Variants in SH3RF3 observed in about 807,000 individuals in gnomAD.
SH3RF3 encodes SH3 domain containing ring finger 3, also known as E3 ubiquitin-protein ligase SH3RF3.
A neutral mutation model predicts 66.3 loss-of-function variants in SH3RF3; 29 were observed. The ratio of observed to expected loss-of-function variants is 0.44; its 90% CI spans 0.33 to 0.60. SH3RF3 has a LOEUF of 0.60. Ranked by LOEUF, SH3RF3 falls within the 20% of genes least tolerant of loss-of-function variation. The pLI, the probability that SH3RF3 is intolerant of heterozygous loss-of-function variation, is 0.04. For missense variants in SH3RF3, 1,194 were observed against 1,190.9 expected (o/e 1.00, Z -0.04); for synonymous variants, 583 against 532.0 (o/e 1.10, Z -1.32).
At chr2:109,422,077 T>C (rs1676897147) in intron 5 of SH3RF3, among the ~76,000 whole-genome samples, 1 of 152,192 alleles carries the variant, frequency 6.6e-6, no homozygotes, top group Non-Finnish European at 1.5e-5. Context: ...ACCCTACCAG[T>C]GGCAAGTACC....
At chr2:109,417,456 C>G (rs551287013) in intron 4 of SH3RF3, among the ~76,000 whole-genome samples, 1 of 152,160 alleles carries the variant, frequency 6.6e-6, no homozygotes, top group Admixed American at 6.5e-5. Context: ...GGAAGGAATG[C>G]CCCCTTCCAG....
intron 1 of SH3RF3, among the ~76,000 whole-genome samples, chr2:109,217,669 C>T (rs984004373): frequency 1.3e-5 from 2 of 152,250 alleles, no homozygotes; most frequent in African/African-American, 4.8e-5. Context: ...GAAGCTCTCT[C>T]ACCGGCTAGA....
intron 1 of SH3RF3, among the ~76,000 whole-genome samples, chr2:109,237,544 T>C (rs902194557): frequency 6.6e-6 from 1 of 152,168 alleles, no homozygotes; most frequent in Non-Finnish European, 1.5e-5. Context: ...GGAATGGCTT[T>C]GAATGTGACC....
At chr2:109,194,395 G>A (rs553838936) in intron 1 of SH3RF3, among the ~76,000 whole-genome samples, 1 of 152,320 alleles carries the variant, frequency 6.6e-6, no homozygotes, top group South Asian at 2.1e-4. Flanking sequence ...CAGTGGGCTG[G>A]GCCTCAACCC....
intron 1 of SH3RF3, among the ~76,000 whole-genome samples, chr2:109,133,091 G>T (rs1279496399): frequency 6.6e-6 from 1 of 152,216 alleles, no homozygotes; most frequent in Non-Finnish European, 1.5e-5. Context: ...GACAGTAGAG[G>T]TAGTGAGTGG....
chr2:109,199,372 A>G (rs1184188383), intron 1 of SH3RF3, among the ~76,000 whole-genome samples: 3 of 77,914 alleles, frequency 3.9e-5, no homozygotes, highest in Admixed American at 1.1e-4. Flanking sequence ...ATGGAATGGA[A>G]TGGAATGGAA....
chr2:109,166,459 G>GAAAAAA (rs386390872), intron 1 of SH3RF3, among the ~76,000 whole-genome samples: 2 of 134,310 alleles, frequency 1.5e-5, no homozygotes, highest in Non-Finnish European at 1.6e-5. Flanking sequence ...CCTGGTGACA[G>GAAAAAA]AAAAAAAAAA....
chr2:109,315,677 G>A (rs112075660), intron 1 of SH3RF3, among the ~76,000 whole-genome samples: 2,753 of 152,324 alleles, frequency 0.018, 95 homozygotes, highest in African/African-American at 0.063. Flanking sequence ...ATAAAGGGGC[G>A]AGCTCTGTCT....
chr2:109,253,735 C>T (rs796370075), intron 1 of SH3RF3, among the ~76,000 whole-genome samples: 13 of 152,190 alleles, frequency 8.5e-5, no homozygotes, highest in African/African-American at 3.1e-4. Flanking sequence ...GTTATTAAAG[C>T]ACCAGGCCAA....
At chr2:109,479,818 C>T (rs1018452497) in intron 8 of SH3RF3, among the ~76,000 whole-genome samples, 1 of 152,176 alleles carries the variant, frequency 6.6e-6, no homozygotes, top group Admixed American at 6.5e-5. Flanking sequence ...CAAAACCATC[C>T]ACAGACCACT....
intron 1 of SH3RF3, among the ~76,000 whole-genome samples, chr2:109,207,874 G>A (rs567280991): frequency 1.3e-5 from 2 of 152,042 alleles, no homozygotes; most frequent in Admixed American, 6.5e-5. Context: ...TTAACAAATT[G>A]GCCTATGGCA....
chr2:109,389,866 G>C (rs1675934923), intron 3 of SH3RF3, among the ~76,000 whole-genome samples: 1 of 152,146 alleles, frequency 6.6e-6, no homozygotes, highest in South Asian at 2.1e-4. Flanking sequence ...CACCTGCCTG[G>C]GCTGTGGCTG....
chr2:109,398,774 A>G lies in SH3RF3; in HGVS notation c.1130A>G (p.Lys377Arg). 6.2e-7 allele frequency: 1 copy of G among 1,613,764 alleles called. No individual in the cohort carries two copies. ...QRRVDGKKNT[K>R]KRHSFTALSV... ...CGTGTGGATGGCAAGAAGAACACCA[A>G]GAAACGCCACTCCTTCACCGCGCTC... is the stretch of plus-strand genomic sequence containing the variant. The change falls in exon 4 of 10, where the codon AAG (lysine) becomes AGG (arginine). Residue 377 changes from lysine (K) to arginine (R), a missense_variant. Lys to Arg is a conservative substitution (Grantham distance 26, BLOSUM62 2). Coordinates refer to ENST00000309415, the MANE Select transcript of SH3RF3 (RefSeq NM_001099289.3).
At chr2:109,377,332 G>C (rs888979428) in intron 3 of SH3RF3, among the ~76,000 whole-genome samples, 5 of 152,184 alleles carry the variant, frequency 3.3e-5, no homozygotes, top group African/African-American at 1.2e-4. Flanking sequence ...ATGAGAGGTG[G>C]AGGTGGGGCC....
chr2:109,419,650 G>T lies in SH3RF3; in HGVS notation c.1403+8G>T. ...CCAGCTGCCCCTCAACGTGTGAGCT[G>T]CCCTTTGTGTCTGTCGGGGTCCTGT... On this transcript the variant is annotated splice_region_variant and intron_variant, in intron 5 of 9. Transcript: ENST00000309415. 1 of 1,565,864 alleles carries T rather than the reference G, an allele frequency of 6.4e-7. No individual in the cohort carries two copies.
rs546899183 is a variant in SH3RF3 at position 109,281,871 on chromosome 2, C to T, written c.574-65803C>T. ...CAGACCCCCAGCGGGCTAGAGCTGA[C>T]GGTTCCCACTGAGAGGGAGGCAGAA... On this transcript the variant is annotated intron_variant, in intron 1 of 9. Transcript: ENST00000309415. Among the ~76,000 whole-genome samples the T allele has an allele frequency of 1.8e-4, 28 of 152,250 alleles. No individual in the cohort carries two copies. The East Asian group carries it at 2.7e-3, about 15-fold the overall frequency.
chr2:109,130,785 G>A (rs1676675670), intron 1 of SH3RF3, among the ~76,000 whole-genome samples: 1 of 152,018 alleles, frequency 6.6e-6, no homozygotes, highest in Non-Finnish European at 1.5e-5. Flanking sequence ...ATTATTTTTG[G>A]TACAGCCGCA....
chr2:109,146,885 T>TCCCCCCCCC (rs570589119), intron 1 of SH3RF3, among the ~76,000 whole-genome samples: 1 of 14,404 alleles, frequency 6.9e-5, no homozygotes, highest in African/African-American at 4.8e-4. Context: ...CTTTTTTCCC[T>TCCCCCCCCC]CCCCCCCCCC....
intron 5 of SH3RF3, among the ~76,000 whole-genome samples, chr2:109,429,534 C>T (rs1028934503): frequency 1.3e-5 from 2 of 152,122 alleles, no homozygotes; most frequent in Non-Finnish European, 2.9e-5. Flanking sequence ...TTGGCCACAC[C>T]GGGCCTGTGC....
Sources: allele counts gnomAD v4.1 joint callset (sites outside exome capture counted in the v4.1 genomes callset), GRCh38; gene constraint gnomAD v4.1.1; transcripts MANE v1.5; gene names NCBI Gene and HGNC (gene_info 2026-07-23, HGNC 2026-07-21).